Variants in ADGRB3 observed in about 807,000 individuals in gnomAD.
ADGRB3 encodes adhesion G protein-coupled receptor B3.
A neutral mutation model predicts 193.4 loss-of-function variants in ADGRB3; 37 were observed. The ratio of observed to expected loss-of-function variants is 0.19; its 90% CI spans 0.15 to 0.25. The LOEUF (loss-of-function observed/expected upper bound fraction) is 0.25. ADGRB3 is among the 10% of genes least tolerant of loss of function. The pLI is 1.00. For missense variants in ADGRB3, 1,637 were observed against 1,852.9 expected, an observed-to-expected ratio of 0.88 and a Z score of 2.14; for synonymous variants, 690 against 644.2, an observed-to-expected ratio of 1.07 and a Z score of -1.08.
At position 68,960,982 on chromosome 6, in the gene ADGRB3, G is replaced by C. The variant is rs976652362; in HGVS notation, c.1525+4173G>C. On this transcript the variant is annotated intron_variant, in intron 8 of 31. Transcript: ENST00000370598. ...AAGTGGAATACAGTCCTCTACCTCT[G>C]TTCCACTGGAGAAAGTTGAAATATC... Among the ~76,000 whole-genome samples, 35 of 152,106 alleles carry C rather than the reference G, an allele frequency of 2.3e-4. 1 individual carries two copies. The highest frequency in any genetic ancestry group is 8.4e-4 in the African/African-American group (35 of 41,426).
At chr6:68,668,421 C>A (rs2127293005) in intron 3 of ADGRB3, among the ~76,000 whole-genome samples, 1 of 152,078 alleles carries the variant, frequency 6.6e-6, no homozygotes, top group African/African-American at 2.4e-5. Context: ...GAGCTCCAAT[C>A]CATCATATCT....
At chr6:69,146,585 A>T (rs929185124) in intron 17 of ADGRB3, among the ~76,000 whole-genome samples, 2 of 151,990 alleles carry the variant, frequency 1.3e-5, no homozygotes, top group South Asian at 4.1e-4. Flanking sequence ...TGCCCTGACA[A>T]CTCTGAAGGG....
At chr6:69,387,573 T>C (rs760835224) in intron 31 of ADGRB3, among the ~76,000 whole-genome samples, 24 of 152,070 alleles carry the variant, frequency 1.6e-4, no homozygotes, top group Non-Finnish European at 3.4e-4. Context: ...TTTGTTGTTG[T>C]TTTGGTTTTT....
At chr6:68,637,242 C>T (rs1363896452) in intron 1 of ADGRB3, 149 bp from the exon 2 acceptor site, 1 of 152,304 alleles carries the variant, frequency 6.6e-6, no homozygotes, top group Non-Finnish European at 1.5e-5. Flanking sequence ...TCTTCAGGGA[C>T]TTCGGTCACT....
rs146434574 is a variant in ADGRB3, at chr6:68,779,579, G to A, written c.757+140147G>A. On this transcript the variant is annotated intron_variant, in intron 3 of 31. Transcript: ENST00000370598. ...ATCAGTGGAAAGAAGGCAGGTCTTA[G>A]TAGTATGTCTGCCTCCGACTTTCTA... Among the ~76,000 whole-genome samples, 740 of 152,236 alleles carry A rather than the reference G, an allele frequency of 4.9e-3. 13 individuals carry two copies. Among genetic ancestry groups the A allele is most frequent in the African/African-American group, 0.017 (712 of 41,568 alleles).
chr6:68,801,375 G>GT (rs1413479169), intron 3 of ADGRB3, among the ~76,000 whole-genome samples: 1 of 151,938 alleles, frequency 6.6e-6, no homozygotes, highest in Non-Finnish European at 1.5e-5. Context: ...CCATTTTTTA[G>GT]TTCCCCAACA....
intron 1 of ADGRB3, 121 bp downstream of exon 1, chr6:68,636,121 G>C (rs1767942906): frequency 6.6e-6 from 1 of 152,606 alleles, no homozygotes; most frequent in Admixed American, 6.5e-5. Context: ...CGGATGGGGA[G>C]GCTGTGAGCA....
intron 20 of ADGRB3, among the ~76,000 whole-genome samples, chr6:69,278,214 G>C (rs1051214852): frequency 6.6e-6 from 1 of 152,064 alleles, no homozygotes; most frequent in Non-Finnish European, 1.5e-5. Flanking sequence ...ATACAACAAG[G>C]CATCTTGGAA....
intron 3 of ADGRB3, among the ~76,000 whole-genome samples, chr6:68,908,532 T>C (rs1279036781): frequency 6.6e-6 from 1 of 152,108 alleles, no homozygotes; most frequent in Non-Finnish European, 1.5e-5. Flanking sequence ...CTTATTTGCT[T>C]TGTAGACCCT....
At chr6:68,920,945 A>C (rs2150242186) in intron 3 of ADGRB3, among the ~76,000 whole-genome samples, 1 of 152,322 alleles carries the variant, frequency 6.6e-6, no homozygotes, top group African/African-American at 2.4e-5. Context: ...ATAGATGCTG[A>C]TTAATTAAAG....
At chr6:68,923,507 G>A (rs893779581) in intron 3 of ADGRB3, among the ~76,000 whole-genome samples, 2 of 151,956 alleles carry the variant, frequency 1.3e-5, no homozygotes, top group African/African-American at 4.8e-5. Context: ...TTGTAGGGTA[G>A]CATTTATTTT....
intron 29 of ADGRB3, among the ~76,000 whole-genome samples, chr6:69,366,335 C>A (rs1279219915): frequency 6.6e-6 from 1 of 152,086 alleles, no homozygotes; most frequent in African/African-American, 2.4e-5. Flanking sequence ...CCAGAACTTT[C>A]TCCTTGCAAG....
At chr6:69,388,028 A>G (rs527641052) in intron 31 of ADGRB3, among the ~76,000 whole-genome samples, 2 of 152,258 alleles carry the variant, frequency 1.3e-5, no homozygotes, top group South Asian at 2.1e-4. Context: ...CAAGAGGGAA[A>G]TATCTTTCAA....
intron 3 of ADGRB3, among the ~76,000 whole-genome samples, chr6:68,727,194 A>G (rs879716560): frequency 6.6e-6 from 1 of 151,568 alleles, no homozygotes; most frequent in Non-Finnish European, 1.5e-5. Flanking sequence ...CAAAGTTTTC[A>G]AAGTATTGAT....
At chr6:68,831,325 A>T (rs1182682370) in intron 3 of ADGRB3, among the ~76,000 whole-genome samples, 1 of 142,776 alleles carries the variant, frequency 7.0e-6, no homozygotes, top group Non-Finnish European at 1.5e-5. Context: ...AAAAAAAAAA[A>T]GCTGATTTTA....
intron 3 of ADGRB3, among the ~76,000 whole-genome samples, chr6:68,746,570 C>G (rs901792406): frequency 3.9e-5 from 6 of 151,984 alleles, no homozygotes; most frequent in Admixed American, 6.6e-5. Context: ...TGGCTGTTCT[C>G]TCAATGACCC....
At chr6:68,780,709 A>C (rs145952672) in intron 3 of ADGRB3, among the ~76,000 whole-genome samples, 52 of 152,168 alleles carry the variant, frequency 3.4e-4, no homozygotes, top group African/African-American at 1.0e-3. Flanking sequence ...TTTTATTTTG[A>C]AATAATTTTA....
At chr6:69,325,459 G>C (rs1489402951) in intron 21 of ADGRB3, among the ~76,000 whole-genome samples, 1 of 151,602 alleles carries the variant, frequency 6.6e-6, no homozygotes, top group Non-Finnish European at 1.5e-5. Flanking sequence ...CATTTCATAG[G>C]GAGAACACCA....
chr6:69,175,863 A>C (rs1775405950), intron 17 of ADGRB3, among the ~76,000 whole-genome samples: 1 of 152,178 alleles, frequency 6.6e-6, no homozygotes, highest in African/African-American at 2.4e-5. Context: ...CTCCTTGGTT[A>C]GATGTATTCC....
Sources: gnomAD v4.1 joint callset for allele counts (sites outside exome capture counted in the v4.1 genomes callset) on GRCh38, gnomAD v4.1.1 for gene constraint, MANE v1.5 for transcripts, NCBI Gene and HGNC (gene_info 2026-07-23, HGNC 2026-07-21) for gene names.